The following GRK2 variants were observed in gnomAD, a reference collection of about 807,000 sequenced individuals.
GRK2 encodes the protein adrenergic beta receptor kinase 1.
In GRK2, 23 loss-of-function variants were observed where a neutral mutation model predicts 97.8. The ratio of observed to expected loss-of-function variants is 0.24; its 90% CI spans 0.17 to 0.33. The LOEUF (loss-of-function observed/expected upper bound fraction) is 0.33, where lower values mean the gene tolerates loss of function less well. Among genes scored for constraint, GRK2 ranks in the 10% least tolerant of loss-of-function variants. The probability of loss-of-function intolerance (pLI) is 1.00; values close to 1 mark genes in which losing one functional copy is unlikely to be tolerated. For missense variants in GRK2, 633 were observed against 956.9 expected (o/e 0.66, Z 4.47); for synonymous variants, 425 against 381.7 (o/e 1.11, Z -1.32).
chr11:67,285,225 G>C (rs770016807), intron 20 of GRK2, 37 bp downstream of exon 20: 2 of 1,611,994 alleles, frequency 1.2e-6, no homozygotes, highest in Admixed American at 1.7e-5. Flanking sequence ...GAGGGCCGAG[G>C]GGCCAGGCCA....
In GRK2 at chr11:67,282,092, C is replaced by T; in HGVS notation, c.957+140C>T. 7.8e-7 allele frequency: 1 copy of T among 1,284,022 alleles called. No individual in the cohort carries two copies. Among genetic ancestry groups the T allele is most frequent in the East Asian group, 2.4e-5 (1 of 41,372 alleles). The allele number at this position is 1,284,022 out of a possible 1,614,324, so 79.5% of individuals were successfully genotyped here. ...TCTTCCCATCTCCGCCCCTGCCCTT[C>T]CCACCGAGCCACTCTCTGGGTCCAG... On this transcript the variant is annotated intron_variant, in intron 11 of 20. Transcript: ENST00000308595. The surrounding 1 kb of genome is among the most constrained non-coding windows in gnomAD (Gnocchi z 6.9).
rs1590848179 is a variant in GRK2, at chr11:67,274,524, C to CTTTTTTTTTTTTTTTT, written c.114-2741_114-2740insTTTTTTTTTTTTTTTT. ...TTTTTTTTTTTTTTTTTTTTTTTTG[C>CTTTTTTTTTTTTTTTT]TTTTTTTCATCCCCTTCTGTGGACC... is the stretch of plus-strand genomic sequence containing the variant. On this transcript the variant is annotated intron_variant, in intron 1 of 20. Transcript: ENST00000308595. 8.5e-3 allele frequency among the ~76,000 whole-genome samples: 465 copies of CTTTTTTTTTTTTTTTT among 54,958 alleles called. 1 individual carries two copies. Among genetic ancestry groups the CTTTTTTTTTTTTTTTT allele is most frequent in the Middle Eastern group, 0.017 (1 of 60 alleles). The allele number at this position is 54,958 out of a possible 152,430, so 36.1% of individuals were successfully genotyped here.
Position 67,281,642 on chromosome 11 carries a change from C to A in GRK2, c.748-8C>A. The A allele has an allele frequency of 6.2e-7, 1 of 1,611,744 alleles. No individual in the cohort carries two copies. Among genetic ancestry groups the A allele is most frequent in the South Asian group, 1.1e-5 (1 of 91,040 alleles). ...CTGCCCGCCCCCTCCCCTCCTCTCC[C>A]CTCCTAGGACTGCCCATTCATTGTC... On this transcript the variant is annotated splice_polypyrimidine_tract_variant and splice_region_variant and intron_variant, in intron 9 of 20. Coordinates refer to ENST00000308595, the MANE Select transcript of GRK2 (RefSeq NM_001619.5). This position sits in a 1 kb window ranked among gnomAD's most constrained non-coding sequence, Gnocchi z 5.7.
chr11:67,281,645 C>G lies in GRK2; in HGVS notation c.748-5C>G. On this transcript the variant is annotated splice_polypyrimidine_tract_variant and splice_region_variant and intron_variant, in intron 9 of 20. Coordinates refer to ENST00000308595, the MANE Select transcript of GRK2 (RefSeq NM_001619.5). The surrounding 1 kb of genome is among the most constrained non-coding windows in gnomAD (Gnocchi z 5.7). ...CCCGCCCCCTCCCCTCCTCTCCCCT[C>G]CTAGGACTGCCCATTCATTGTCTGC... 6.2e-7 allele frequency: 1 copy of G among 1,609,576 alleles called. No homozygotes were observed. Among genetic ancestry groups the G allele is most frequent in the East Asian group, 2.2e-5 (1 of 44,806 alleles).
chr11:67,268,179 G>C (rs1028983296), intron 1 of GRK2, among the ~76,000 whole-genome samples: 3 of 152,198 alleles, frequency 2.0e-5, no homozygotes, highest in African/African-American at 7.2e-5. Flanking sequence ...GTGACTCTGC[G>C]GTGTCCCTCA....
chr11:67,279,208 C>T lies in GRK2; in HGVS notation c.199C>T (p.Leu67Phe), dbSNP rs1166669766. The change falls in exon 3 of 21, where the codon CTC (leucine) becomes TTC (phenylalanine). Residue 67 changes from leucine to phenylalanine, a missense_variant. Around this residue, in one of 4 missense-constraint regions of GRK2, gnomAD observed 193 missense variants for 212.2 expected, o/e 0.91. Transcript: ENST00000308595. ...KIFSQKLGYL[L>F]FRDFCLNHLE... ...TACACTGTTGCCTTCAGGGTACCTG[C>T]TCTTCCGAGACTTCTGCCTGAACCA... 1 of 1,613,204 alleles carries T rather than the reference C, an allele frequency of 6.2e-7. No individual in the cohort carries two copies. The highest frequency in any genetic ancestry group is 8.5e-7 in the Non-Finnish European group (1 of 1,179,862).
At chr11:67,272,846 T>C (rs1859939399) in intron 1 of GRK2, among the ~76,000 whole-genome samples, 1 of 152,220 alleles carries the variant, frequency 6.6e-6, no homozygotes, top group African/African-American at 2.4e-5. Flanking sequence ...CCTGCTCGGC[T>C]CAGCCCTGGC....
At position 67,281,731 on chromosome 11, in the gene GRK2, G is replaced by A. The variant is rs1269843779; in HGVS notation, c.826+3G>A. On this transcript the variant is annotated splice_donor_region_variant and intron_variant, in intron 10 of 20. Transcript: ENST00000308595. The surrounding 1 kb of genome is among the most constrained non-coding windows in gnomAD (Gnocchi z 5.7). ...CTTCATCCTGGACCTCATGAACGGT[G>A]AGTGCTGGCCGGGCCCTAGGGTGGG... The A allele has an allele frequency of 1.2e-6, 2 of 1,613,410 alleles. No individual in the cohort carries two copies. Among genetic ancestry groups the A allele is most frequent in the Non-Finnish European group, 1.7e-6 (2 of 1,179,968 alleles).
rs767067788 is a variant in GRK2 at position 67,286,379 on chromosome 11, C to T, written c.*929C>T. 2.9e-6 allele frequency: 2 copies of T among 699,024 alleles called. No individual in the cohort carries two copies. Among genetic ancestry groups the T allele is most frequent in the Admixed American group, 4.1e-5 (2 of 49,208 alleles). The allele number at this position is 699,024 out of a possible 1,614,324, so 43.3% of individuals were successfully genotyped here. On this transcript the variant is annotated 3_prime_UTR_variant, in exon 21 of 21. Transcript: ENST00000308595. ...GTGCCGCCGCCTCGCCCACCGCATG[C>T]CCCCTCGTGCCAGTCGCGCTGCCTG...
rs1860165925 is a variant in GRK2, at chr11:67,282,139, G to A, written c.958-132G>A. 8.3e-7 allele frequency: 1 copy of A among 1,201,442 alleles called. No homozygotes were observed. Among genetic ancestry groups the A allele is most frequent in the Non-Finnish European group, 1.2e-6 (1 of 839,000 alleles). The allele number at this position is 1,201,442 out of a possible 1,614,324, so 74.4% of individuals were successfully genotyped here. A position where few individuals can be genotyped will look rare whatever the true frequency, so the allele number is the denominator to read the frequency against. On this transcript the variant is annotated intron_variant, in intron 11 of 20. Transcript: ENST00000308595. This position sits in a 1 kb window ranked among gnomAD's most constrained non-coding sequence, Gnocchi z 6.9. ...CCAGGTTGTAGCTGGGGACAGGAGA[G>A]AGGACCCCCACCTTTGCCCTTTCTT...
chr11:67,281,149 G>A lies in GRK2; in HGVS notation c.612G>A (p.Glu204=). Residue 204 remains glutamate (E), a synonymous_variant, in exon 8 of 21, where the codon GAG becomes GAA. Coordinates refer to ENST00000308595, the MANE Select transcript of GRK2 (RefSeq NM_001619.5). This position sits in a 1 kb window ranked among gnomAD's most constrained non-coding sequence, Gnocchi z 5.7. The stretch of plus-strand genomic sequence containing the variant: ...TCATTGGGCGCGGGGGCTTTGGCGA[G>A]GTCTATGGGTGCCGGAAGGCTGACA... The part of the protein sequence containing the change: ...HRIIGRGGFG[E]VYGCRKADTG... 1 of 1,613,506 alleles carries A rather than the reference G, an allele frequency of 6.2e-7. No homozygotes were observed. The highest frequency in any genetic ancestry group is 2.2e-5 in the East Asian group (1 of 44,868).
In GRK2 at chr11:67,282,052, C is replaced by T; in HGVS notation, c.957+100C>T. ...GCCCAGAGGAGTGGGGCTCCTGGGACATGGCCGCCCCGTATCTTCCCATCT... is the reference window on the plus strand; with the variant it reads ...GCCCAGAGGAGTGGGGCTCCTGGGATATGGCCGCCCCGTATCTTCCCATCT... On this transcript the variant is annotated intron_variant, in intron 11 of 20. Coordinates refer to ENST00000308595, the MANE Select transcript of GRK2 (RefSeq NM_001619.5). The surrounding 1 kb of genome is among the most constrained non-coding windows in gnomAD (Gnocchi z 6.9). 2.7e-6 allele frequency: 4 copies of T among 1,493,228 alleles called. No individual in the cohort carries two copies. The highest frequency in any genetic ancestry group is 3.7e-6 in the Non-Finnish European group (4 of 1,089,606). The allele number at this position is 1,493,228 out of a possible 1,614,324, so 92.5% of individuals were successfully genotyped here.
chr11:67,267,282 T>C (rs902182010), intron 1 of GRK2, among the ~76,000 whole-genome samples: 90 of 152,200 alleles, frequency 5.9e-4, no homozygotes, highest in Non-Finnish European at 2.8e-4. Context: ...CTGTCCCTGC[T>C]CACGGCACTC....
intron 1 of GRK2, among the ~76,000 whole-genome samples, chr11:67,271,418 G>A (rs1859904849): frequency 6.6e-6 from 1 of 152,208 alleles, no homozygotes; most frequent in South Asian, 2.1e-4. Flanking sequence ...TCCCAGGTGG[G>A]GGCAATTTTC....
At position 67,285,000 on chromosome 11, in the gene GRK2, G is replaced by A. The variant is rs1860240999; in HGVS notation, c.1791+17G>A. The A allele has an allele frequency of 6.2e-7, 1 of 1,612,236 alleles. No individual in the cohort carries two copies. Among genetic ancestry groups the A allele is most frequent in the South Asian group, 1.1e-5 (1 of 91,058 alleles). ...GAGGCCCCGGTAAGGAGCCCGTGCGGGGGTCCGGGAGCCGGGCTTCCGGGT... is the reference window on the plus strand; with the variant it reads ...GAGGCCCCGGTAAGGAGCCCGTGCGAGGGTCCGGGAGCCGGGCTTCCGGGT... On this transcript the variant is annotated intron_variant, in intron 19 of 20. Transcript: ENST00000308595.
rs140667699 is a variant in GRK2 at position 67,281,218 on chromosome 11, G to A, written c.647+34G>A. 5.7e-4 allele frequency: 899 copies of A among 1,578,324 alleles called. 13 individuals are homozygous for A. The East Asian group carries it at 0.019, about 34-fold the overall frequency. On this transcript the variant is annotated intron_variant, in intron 8 of 20. Transcript: ENST00000308595. This position sits in a 1 kb window ranked among gnomAD's most constrained non-coding sequence, Gnocchi z 5.7. ...CCTGCTCGGCGCGGTGGGATACCTC[G>A]GGGAGCCGGGCTCCTGGGGGACCCT...
At chr11:67,268,609 G>A (rs61758507) in intron 1 of GRK2, among the ~76,000 whole-genome samples, 5 of 152,302 alleles carry the variant, frequency 3.3e-5, no homozygotes, top group Non-Finnish European at 4.4e-5. Flanking sequence ...GGAACTGTCT[G>A]CGTTCGGGTA....
At chr11:67,284,818 G>A (rs746693725) in intron 18 of GRK2, 29 bp from the exon 19 acceptor site, 82 of 1,607,176 alleles carry the variant, frequency 5.1e-5, no homozygotes, top group Non-Finnish European at 6.6e-5. Context: ...AGGTGGGGCC[G>A]GCTGAGTCTC....
chr11:67,278,280 G>A (rs1245646818), intron 2 of GRK2, among the ~76,000 whole-genome samples: 4 of 152,218 alleles, frequency 2.6e-5, no homozygotes, highest in African/African-American at 7.2e-5. Context: ...AGGCATGAGA[G>A]GCCACCCAGC....
Sources: gnomAD v4.1 joint callset for allele counts (sites outside exome capture counted in the v4.1 genomes callset) on GRCh38, gnomAD v4.1.1 for gene constraint, gnomAD v4.1.1 regional missense constraint, Gnocchi (gnomAD v3.1) non-coding constraint, MANE v1.5 for transcripts, NCBI Gene and HGNC (gene_info 2026-07-23, HGNC 2026-07-21) for gene names.